The following OVGP1 variants were observed in gnomAD, a reference collection of about 807,000 sequenced individuals.
OVGP1 encodes the protein oviduct-specific glycoprotein.
A neutral mutation model predicts 48.2 loss-of-function variants in OVGP1; 26 were observed. That is an observed-to-expected ratio of 0.54 (90% CI 0.40 to 0.75). The LOEUF (loss-of-function observed/expected upper bound fraction) is 0.75, where lower values mean the gene tolerates loss of function less well. Ranked by LOEUF, OVGP1 falls within the 30% of genes least tolerant of loss-of-function variation. OVGP1 has a pLI of 0.00. For synonymous variants in OVGP1, 294 were observed against 305.7 expected (o/e 0.96, Z 0.40); for missense variants, 791 against 820.6 (o/e 0.96, Z 0.44).
At position 111,415,228 on chromosome 1, in the gene OVGP1, G is replaced by A. The variant is rs750199098; in HGVS notation, c.1273C>T (p.Pro425Ser). Residue 425 changes from proline to serine, a missense_variant, in exon 11 of 11, where the codon CCC becomes TCC. Pro to Ser is a moderately conservative substitution (Grantham distance 74). Coordinates refer to ENST00000369732, the MANE Select transcript of OVGP1 (RefSeq NM_002557.4). ...TAWTTDSKIL[P>S]PGGEAGVTEI... ...GTGACCCCAGCCTCTCCTCCTGGGG[G>A]CAAAATCTTACTATCAGTGGTCCAT... is the stretch of plus-strand genomic sequence containing the variant. 15 of 1,614,180 alleles carry A rather than the reference G, an allele frequency of 9.3e-6. No homozygotes were observed. The highest frequency in any genetic ancestry group is 1.2e-5 in the Non-Finnish European group (14 of 1,180,016).
intron 8 of OVGP1, 114 bp from the exon 9 acceptor site, chr1:111,419,840 G>C: frequency 1.4e-6 from 1 of 692,682 alleles, no homozygotes; most frequent in Non-Finnish European, 2.6e-6. Context: ...CAGCGAATGA[G>C]AAGAAGGTAA....
At chr1:111,417,708 T>C (rs1025265237) in intron 9 of OVGP1, among the ~76,000 whole-genome samples, 1 of 152,062 alleles carries the variant, frequency 6.6e-6, no homozygotes, top group African/African-American at 2.4e-5. Flanking sequence ...AGAATATTTA[T>C]TACTCACAGA....
At chr1:111,423,507 C>A in intron 5 of OVGP1, 36 bp downstream of exon 5, 1 of 1,605,528 alleles carries the variant, frequency 6.2e-7, no homozygotes, top group South Asian at 1.1e-5. Context: ...AAAGTAGAAT[C>A]ATTTCTGGAT....
In OVGP1 at chr1:111,414,948, G is replaced by C. The variant is rs45455292; in HGVS notation, c.1553C>G (p.Thr518Ser). The change falls in exon 11 of 11, where the codon ACC (threonine) becomes AGC (serine). Residue 518 changes from threonine to serine, a missense_variant. Coordinates refer to ENST00000369732, the MANE Select transcript of OVGP1 (RefSeq NM_002557.4). Reference protein sequence around the residue: ...TLTSVGYQSVTPGEKTLTPVG... With the variant: ...TLTSVGYQSVSPGEKTLTPVG... ...AGGGGTCAGGGTCTTTTCCCCAGGG[G>C]TCACAGACTGATAACCCACAGAGGT... 2.4e-4 allele frequency: 190 copies of C among 805,272 alleles called. 2 individuals are homozygous for C. The East Asian group carries it at 2.5e-3, about 11-fold the overall frequency. The allele number at this position is 805,272 out of a possible 1,614,324, so 49.9% of individuals were successfully genotyped here.
Position 111,426,990 on chromosome 1 carries a change from G to C in OVGP1, c.55+72C>G, listed in dbSNP as rs577912780. 5.0e-6 allele frequency: 8 copies of C among 1,612,266 alleles called. No individual in the cohort carries two copies. The African/African-American group carries it at 9.3e-5, about 19-fold the overall frequency. On this transcript the variant is annotated intron_variant, in intron 2 of 10. Coordinates refer to ENST00000369732, the MANE Select transcript of OVGP1 (RefSeq NM_002557.4). ...AGCCAGGGCAAGGTGGGCTGCAGGGGACACTCAATGTGGAGGACTTCTCAG... is the reference window on the plus strand; with the variant it reads ...AGCCAGGGCAAGGTGGGCTGCAGGGCACACTCAATGTGGAGGACTTCTCAG...
At chr1:111,423,778 C>T (rs1652331835) in intron 4 of OVGP1, 70 bp from the exon 5 acceptor site, 3 of 1,495,032 alleles carry the variant, frequency 2.0e-6, no homozygotes, top group Admixed American at 1.8e-5. Context: ...AGGCCCCTTG[C>T]AAGCTTGGTT....
At chr1:111,421,999 T>C (rs1652282466) in intron 6 of OVGP1, among the ~76,000 whole-genome samples, 1 of 152,204 alleles carries the variant, frequency 6.6e-6, no homozygotes, top group African/African-American at 2.4e-5. Context: ...GTCTGTTCCA[T>C]AGCTTGTCTT....
rs184517706 is a variant in OVGP1 at position 111,414,468 on chromosome 1, G to T, written c.2033C>A (p.Ala678Asp). 1.9e-6 allele frequency: 3 copies of T among 1,609,344 alleles called. No individual in the cohort carries two copies. The highest frequency in any genetic ancestry group is 2.2e-5 in the East Asian group (1 of 44,800). Residue 678 changes from alanine (A) to aspartate (D), a missense_variant, in exon 11 of 11, where the codon GCC becomes GAC. Ala to Asp is a moderately radical substitution (Grantham distance 126). Transcript: ENST00000369732. ...IPENSAVDEE[A>D] is the part of the protein sequence containing the mutation. ...GGTTTCTGACACCAGAGGGGCTTAG[G>T]CTTCTTCATCCACAGCAGAGTTTTC...
chr1:111,415,004 ATGACCCACAGG>A lies in OVGP1; in HGVS notation c.1486_1496del (p.Pro496SerfsTer56). 1 of 1,610,608 alleles carries A rather than the reference ATGACCCACAGG, an allele frequency of 6.2e-7. No homozygotes were observed. The highest frequency in any genetic ancestry group is 8.5e-7 in the Non-Finnish European group (1 of 1,177,388). On this transcript the variant is annotated frameshift_variant, in exon 11 of 11. Coordinates refer to ENST00000369732, the MANE Select transcript of OVGP1 (RefSeq NM_002557.4). LOFTEE classifies it low-confidence loss of function (END_TRUNC). ...TCTTCTGTCCAGTGGTCACAGATTG[ATGACCCACAGG>A]GGTCAGGGCCTTCTCTCCAGGGGTC... is the stretch of plus-strand genomic sequence containing the variant.
chr1:111,425,499 C>A (rs1264887), intron 3 of OVGP1, 60 bp from the exon 4 acceptor site: 1 of 1,609,156 alleles, frequency 6.2e-7, no homozygotes, highest in Non-Finnish European at 8.5e-7. Flanking sequence ...GCAGCTGCTG[C>A]CACATTCTTT....
intron 8 of OVGP1, among the ~76,000 whole-genome samples, chr1:111,420,104 T>G (rs1652227381): frequency 6.6e-6 from 1 of 152,180 alleles, no homozygotes; most frequent in South Asian, 2.1e-4. Context: ...GTTCATTAGA[T>G]CCCAGCACAG....
At chr1:111,426,275 G>C (rs1348393840) in intron 3 of OVGP1, among the ~76,000 whole-genome samples, 162 bp downstream of exon 3, 1 of 152,208 alleles carries the variant, frequency 6.6e-6, no homozygotes, top group Non-Finnish European at 1.5e-5. Flanking sequence ...CAAGGTGTCT[G>C]TGACAAGGAG....
At chr1:111,426,117 T>A (rs1469650178) in intron 3 of OVGP1, among the ~76,000 whole-genome samples, 1 of 152,190 alleles carries the variant, frequency 6.6e-6, no homozygotes, top group Non-Finnish European at 1.5e-5. Context: ...ATTTGGGATG[T>A]GTAAGCCCAC....
At position 111,423,505 on chromosome 1, in the gene OVGP1, A is replaced by C. The variant is rs954989710; in HGVS notation, c.483+38T>G. ...ATAAGCCTAGATATATAAAAGTAGAATCATTTCTGGATTCTGGCGCTTCTA... is the reference window on the plus strand; with the variant it reads ...ATAAGCCTAGATATATAAAAGTAGACTCATTTCTGGATTCTGGCGCTTCTA... On this transcript the variant is annotated intron_variant, in intron 5 of 10. Coordinates refer to ENST00000369732, the MANE Select transcript of OVGP1 (RefSeq NM_002557.4). The C allele has an allele frequency of 3.7e-6, 6 of 1,604,714 alleles. No individual in the cohort carries two copies. The Admixed American group carries it at 5.1e-5, about 14-fold the overall frequency.
At position 111,414,849 on chromosome 1, in the gene OVGP1, T is replaced by C. The variant is rs781161908; in HGVS notation, c.1652A>G (p.His551Arg). ...SPGGTTMTPV[H>R]FQTETLRQNT... ...CTGTCTAAGGGTCTCAGTCTGAAAA[T>C]GGACAGGGGTCATAGTCGTTCCTCC... is the stretch of plus-strand genomic sequence containing the variant. The change falls in exon 11 of 11, where the codon CAT becomes CGT. Residue 551 changes from histidine to arginine, a missense_variant. Coordinates refer to ENST00000369732, the MANE Select transcript of OVGP1 (RefSeq NM_002557.4). The C allele has an allele frequency of 2.5e-6, 4 of 1,593,896 alleles. No homozygotes were observed. The highest frequency in any genetic ancestry group is 2.6e-6 in the Non-Finnish European group (3 of 1,166,578).
chr1:111,426,553 G>T lies in OVGP1; in HGVS notation c.144C>A (p.Pro48=). 1 of 1,614,138 alleles carries T rather than the reference G, an allele frequency of 6.2e-7. No homozygotes were observed. Among genetic ancestry groups the T allele is most frequent in the African/African-American group, 1.3e-5 (1 of 75,034 alleles). ...PASILPHDLD[P]FLCTHLIFAF... ...CAAATATCAGGTGGGTGCAGAGAAA[G>T]GGGTCCAGGTCATGGGGCAAGATCG... The change falls in exon 3 of 11, where the codon CCC becomes CCA. Residue 48 remains proline, a synonymous_variant. Transcript: ENST00000369732.
chr1:111,415,489 G>A, intron 10 of OVGP1, 145 bp from the exon 11 acceptor site: 1 of 713,920 alleles, frequency 1.4e-6, no homozygotes, highest in South Asian at 2.0e-5. Flanking sequence ...ACCTACTTGA[G>A]GACATAGATG....
Position 111,416,304 on chromosome 1 carries a change from C to T in OVGP1, c.1156+19G>A. 6.4e-7 allele frequency: 1 copy of T among 1,551,698 alleles called. No individual in the cohort carries two copies. The highest frequency in any genetic ancestry group is 8.8e-7 in the Non-Finnish European group (1 of 1,140,892). Reference sequence around the variant, plus strand: ...GTTATGCAACTTCCAACCCCAGCTTCTAGGTCACAGCTACTTACCAGCCCG... The same window carrying T: ...GTTATGCAACTTCCAACCCCAGCTTTTAGGTCACAGCTACTTACCAGCCCG... On this transcript the variant is annotated intron_variant, in intron 10 of 10. Coordinates refer to ENST00000369732, the MANE Select transcript of OVGP1 (RefSeq NM_002557.4).
At chr1:111,422,866 C>T in intron 6 of OVGP1, 61 bp downstream of exon 6, 2 of 1,599,268 alleles carry the variant, frequency 1.3e-6, no homozygotes, top group African/African-American at 2.7e-5. Context: ...CTCTGGGGTT[C>T]TGAGCTCAAG....
Sources: allele counts gnomAD v4.1 joint callset (sites outside exome capture counted in the v4.1 genomes callset), GRCh38; gene constraint gnomAD v4.1.1; transcripts MANE v1.5; gene names NCBI Gene and HGNC (gene_info 2026-07-23, HGNC 2026-07-21).